The following NAV3 variants were observed in gnomAD, a reference collection of about 807,000 sequenced individuals.
NAV3 encodes neuron navigator 3, also known as pore membrane and/or filament interacting like protein 1.
Under a neutral mutation model 244.7 loss-of-function variants are expected in NAV3, and 87 were observed. That is an observed-to-expected ratio of 0.36 (90% CI 0.30 to 0.42). NAV3 has a LOEUF of 0.42. Among genes scored for constraint, NAV3 ranks in the 20% least tolerant of loss-of-function variants. NAV3 has a pLI of 1.00. For synonymous variants in NAV3, 1,126 were observed against 1,042.2 expected (o/e 1.08, Z -1.55); for missense variants, 2,663 against 2,893.3 (o/e 0.92, Z 1.83).
In NAV3 at chr12:77,840,702, A is replaced by G. The variant is rs200259645; in HGVS notation, c.243+8998A>G. ...CTAACACTTTTTGAGTGCCTCCCACATGCTGGAAGTTATACCCAAGCTATA... is the reference window on the plus strand; with the variant it reads ...CTAACACTTTTTGAGTGCCTCCCACGTGCTGGAAGTTATACCCAAGCTATA... On this transcript the variant is annotated intron_variant, in intron 1 of 39. Coordinates refer to ENST00000397909, the MANE Select transcript of NAV3 (RefSeq NM_001024383.2). 2.5e-4 allele frequency among the ~76,000 whole-genome samples: 38 copies of G among 152,328 alleles called. No individual in the cohort carries two copies. The East Asian group carries it at 7.2e-3, about 29-fold the overall frequency.
At chr12:78,056,963 G>T (rs1456070070) in intron 11 of NAV3, among the ~76,000 whole-genome samples, 1 of 152,158 alleles carries the variant, frequency 6.6e-6, no homozygotes, top group Non-Finnish European at 1.5e-5. Context: ...GTGTAACTCA[G>T]AAAGTTAGTT....
Position 77,912,378 on chromosome 12 carries a change from T to C in NAV3, c.244-27941T>C, listed in dbSNP as rs974402024. On this transcript the variant is annotated intron_variant, in intron 1 of 39. Coordinates refer to ENST00000397909, the MANE Select transcript of NAV3 (RefSeq NM_001024383.2). ...GGCCTAATAATCTGACAACAAAATA[T>C]GGTATTCCTTTGAGTTGACTTGTTC... 2.0e-5 allele frequency among the ~76,000 whole-genome samples: 3 copies of C among 152,106 alleles called. No individual in the cohort carries two copies. In the East Asian group the frequency reaches 5.8e-4, roughly 29 times the overall value.
chr12:77,971,606 A>G (rs1017844482), intron 5 of NAV3, among the ~76,000 whole-genome samples: 5 of 152,196 alleles, frequency 3.3e-5, no homozygotes, highest in Admixed American at 6.5e-5. Context: ...TGTAGTATCT[A>G]TGGGTTAGAA....
intron 5 of NAV3, among the ~76,000 whole-genome samples, chr12:77,994,496 AT>A (rs894697796): frequency 2.6e-5 from 4 of 152,132 alleles, no homozygotes; most frequent in Non-Finnish European, 5.9e-5. Flanking sequence ...ACAAGGTTGA[AT>A]TTTTTTATAT....
At chr12:77,787,389 T>G (rs1870953592) in intron 2 of NAV3, among the ~76,000 whole-genome samples, 1 of 152,100 alleles carries the variant, frequency 6.6e-6, no homozygotes, top group Non-Finnish European at 1.5e-5. Context: ...TATCCGAAAC[T>G]GGGTAATTTA....
intron 2 of NAV3, among the ~76,000 whole-genome samples, chr12:77,758,164 T>C (rs190983371): frequency 6.6e-6 from 1 of 152,342 alleles, no homozygotes; most frequent in Admixed American, 6.5e-5. Flanking sequence ...CAGAGATGCC[T>C]GTGACCATTC....
At chr12:77,708,688 A>G (rs1017060019) in intron 2 of NAV3, among the ~76,000 whole-genome samples, 5 of 152,180 alleles carry the variant, frequency 3.3e-5, no homozygotes, top group African/African-American at 1.2e-4. Flanking sequence ...CTTCCTATCC[A>G]TGAGCATGGA....
intron 2 of NAV3, among the ~76,000 whole-genome samples, chr12:77,767,225 T>G (rs924845897): frequency 2.6e-5 from 4 of 152,248 alleles, no homozygotes; most frequent in Non-Finnish European, 5.9e-5. Context: ...GACTTAGGAT[T>G]TCCTAAAGGA....
chr12:78,207,769 C>A (rs1248603920), intron 39 of NAV3, among the ~76,000 whole-genome samples: 1 of 152,104 alleles, frequency 6.6e-6, no homozygotes, highest in Non-Finnish European at 1.5e-5. Flanking sequence ...TTTATCATTG[C>A]AGGAAGTTAA....
intron 2 of NAV3, among the ~76,000 whole-genome samples, chr12:77,704,845 A>G (rs748464243): frequency 1.3e-5 from 2 of 152,194 alleles, no homozygotes; most frequent in Non-Finnish European, 2.9e-5. Flanking sequence ...CAATTACTTC[A>G]AAGGCCCTTA....
intron 1 of NAV3, among the ~76,000 whole-genome samples, chr12:77,934,625 T>C (rs1889148283): frequency 6.6e-6 from 1 of 152,206 alleles, no homozygotes. Flanking sequence ...GTATGATTTC[T>C]GGTTGCACTT....
At chr12:77,810,162 T>TTGTTTGTTTGTG (rs1872210975) in intron 2 of NAV3, among the ~76,000 whole-genome samples, 1 of 152,096 alleles carries the variant, frequency 6.6e-6, no homozygotes, top group Admixed American at 6.5e-5. Context: ...CATTATATGT[T>TTGTTTGTTTGTG]TGTTTGTTTG....
chr12:78,167,558 G>C (rs1957830671), intron 23 of NAV3, among the ~76,000 whole-genome samples: 1 of 150,408 alleles, frequency 6.6e-6, no homozygotes, highest in Non-Finnish European at 1.5e-5. Flanking sequence ...ATAGTCACCA[G>C]ATATTCCCAT....
At chr12:78,123,030 TTA>T (rs1046579632) in intron 16 of NAV3, among the ~76,000 whole-genome samples, 4 of 151,308 alleles carry the variant, frequency 2.6e-5, no homozygotes, top group Admixed American at 1.3e-4. Context: ...CTCATTGGCT[TTA>T]TATATATATA....
chr12:77,599,624 T>C (rs117591476), intron 2 of NAV3, among the ~76,000 whole-genome samples: 4,305 of 151,976 alleles, frequency 0.028, 84 homozygotes, highest in Middle Eastern at 0.085. Context: ...GAGATATATA[T>C]ATGTGTGATA....
chr12:77,960,998 C>CATATATGT (rs1245375529), intron 3 of NAV3, among the ~76,000 whole-genome samples: 2 of 142,934 alleles, frequency 1.4e-5, no homozygotes, highest in Admixed American at 7.1e-5. Flanking sequence ...CATGTATACG[C>CATATATGT]ATATATGTAT....
At chr12:77,790,360 A>G (rs543367121) in intron 2 of NAV3, among the ~76,000 whole-genome samples, 3 of 152,306 alleles carry the variant, frequency 2.0e-5, no homozygotes, top group South Asian at 4.1e-4. Flanking sequence ...AAGACATTCA[A>G]TCTCTGATTT....
chr12:78,109,112 A>T (rs1954953763), intron 12 of NAV3, among the ~76,000 whole-genome samples: 1 of 152,024 alleles, frequency 6.6e-6, no homozygotes, highest in Non-Finnish European at 1.5e-5. Context: ...AAAAACGATA[A>T]AGGAGACATT....
chr12:78,075,464 T>C (rs1952998840), intron 12 of NAV3, among the ~76,000 whole-genome samples: 1 of 152,188 alleles, frequency 6.6e-6, no homozygotes, highest in Admixed American at 6.5e-5. Flanking sequence ...CCATAGTTAC[T>C]ATGAATTTGG....
Sources: gnomAD v4.1 joint callset for allele counts (sites outside exome capture counted in the v4.1 genomes callset) on GRCh38, gnomAD v4.1.1 for gene constraint, MANE v1.5 for transcripts, NCBI Gene and HGNC (gene_info 2026-07-23, HGNC 2026-07-21) for gene names.